WWP2: variants seen among roughly 807,000 people sequenced by gnomAD.
WWP2 encodes the protein NEDD4-like E3 ubiquitin-protein ligase WWP2.
WWP2 carries 57 observed loss-of-function variants against 121.0 expected under a neutral mutation model. The observed-to-expected ratio is 0.47, with a 90% CI of 0.38 to 0.59. The LOEUF is 0.59. Ranked by LOEUF, WWP2 falls within the 20% of genes least tolerant of loss-of-function variation. The pLI, the probability that WWP2 is intolerant of heterozygous loss-of-function variation, is 0.00. For missense variants in WWP2, 962 were observed against 1,158.9 expected (o/e 0.83, Z 2.47); for synonymous variants, 449 against 441.3 (o/e 1.02, Z -0.22).
intron 4 of WWP2, among the ~76,000 whole-genome samples, chr16:69,831,926 A>T (rs1226801031): frequency 6.9e-6 from 1 of 144,260 alleles, no homozygotes; most frequent in Non-Finnish European, 1.5e-5. Flanking sequence ...CCTCCTGGGC[A>T]CAAGCGATTA....
At chr16:69,905,458 G>A (rs1053602470) in intron 8 of WWP2, among the ~76,000 whole-genome samples, 26 of 152,176 alleles carry the variant, frequency 1.7e-4, no homozygotes, top group African/African-American at 6.3e-4. Context: ...TTCCTGTTCT[G>A]AAATGCCCCC....
chr16:69,873,602 A>C (rs1299749593), intron 7 of WWP2, among the ~76,000 whole-genome samples: 2 of 152,208 alleles, frequency 1.3e-5, no homozygotes, highest in Non-Finnish European at 2.9e-5. Flanking sequence ...GGAGACAGCA[A>C]AGTGATGGCC....
intron 11 of WWP2, 95 bp from the exon 12 acceptor site, chr16:69,929,353 C>T: frequency 8.5e-7 from 1 of 1,172,816 alleles, no homozygotes; most frequent in Non-Finnish European, 1.2e-6. Context: ...GGGAGATAAA[C>T]TCAGACCCAG....
At chr16:69,897,791 C>G (rs1282312947) in intron 8 of WWP2, among the ~76,000 whole-genome samples, 2 of 151,814 alleles carry the variant, frequency 1.3e-5, no homozygotes, top group Admixed American at 6.6e-5. Flanking sequence ...GCCTGTAGTC[C>G]CAGCTACTCA....
intron 9 of WWP2, 129 bp from the exon 10 acceptor site, chr16:69,917,579 TA>T: frequency 9.7e-7 from 1 of 1,034,860 alleles, no homozygotes; most frequent in Non-Finnish European, 1.4e-6. Context: ...ATGTCTGCTA[TA>T]ATCAGCTAAG....
At chr16:69,824,834 G>A (rs536612188) in intron 4 of WWP2, among the ~76,000 whole-genome samples, 212 of 117,590 alleles carry the variant, frequency 1.8e-3, no homozygotes, top group African/African-American at 5.7e-3. Flanking sequence ...ACAGTGGTGT[G>A]ATCTTGGCTC....
At chr16:69,858,338 A>C (rs1389331804) in intron 6 of WWP2, among the ~76,000 whole-genome samples, 1 of 152,082 alleles carries the variant, frequency 6.6e-6, no homozygotes, top group Non-Finnish European at 1.5e-5. Context: ...CAGGACCTAG[A>C]ATAGTGCCTC....
chr16:69,874,156 A>G (rs2057693666), intron 7 of WWP2, among the ~76,000 whole-genome samples: 1 of 152,134 alleles, frequency 6.6e-6, no homozygotes, highest in Non-Finnish European at 1.5e-5. Context: ...CTTGATGTCC[A>G]TCTCTCCCCT....
At chr16:69,934,235 G>T in intron 17 of WWP2, 106 bp downstream of exon 17, 1 of 1,424,812 alleles carries the variant, frequency 7.0e-7, no homozygotes, top group Non-Finnish European at 9.6e-7. Flanking sequence ...CTTTCTCTGA[G>T]ACCTCCAGGA....
intron 4 of WWP2, among the ~76,000 whole-genome samples, chr16:69,805,225 G>A (rs1303679597): frequency 4.0e-5 from 6 of 151,892 alleles, no homozygotes; most frequent in Non-Finnish European, 7.4e-5. Context: ...TGGTAGAGAC[G>A]GGGTTTCATC....
chr16:69,939,534 G>A, intron 23 of WWP2, 121 bp downstream of exon 23: 2 of 1,017,980 alleles, frequency 2.0e-6, no homozygotes, highest in South Asian at 1.5e-5. Context: ...TGGCCCTGGG[G>A]TGTTGGGTTG....
At chr16:69,788,914 C>T (rs545578460) in intron 2 of WWP2, among the ~76,000 whole-genome samples, 3 of 152,248 alleles carry the variant, frequency 2.0e-5, no homozygotes, top group East Asian at 1.9e-4. Context: ...GAGAGTGGCT[C>T]TCAGTATCTG....
intron 6 of WWP2, among the ~76,000 whole-genome samples, chr16:69,866,270 T>TTTTATTTA (rs56801798): frequency 5.1e-4 from 75 of 147,972 alleles, no homozygotes; most frequent in Non-Finnish European, 8.2e-4. Context: ...AGGTTTCACA[T>TTTTATTTA]TTTATTTATT....
At chr16:69,912,955 A>AATAT (rs1567427338) in intron 9 of WWP2, among the ~76,000 whole-genome samples, 34 of 8,284 alleles carry the variant, frequency 4.1e-3, no homozygotes, top group Non-Finnish European at 5.1e-3. Context: ...AAAAAAAAAA[A>AATAT]ATATATATAT....
At chr16:69,871,694 C>A in intron 6 of WWP2, 110 bp from the exon 7 acceptor site, 1 of 1,505,186 alleles carries the variant, frequency 6.6e-7, no homozygotes, top group Non-Finnish European at 9.0e-7. Flanking sequence ...TATTAAAGGT[C>A]TTGTTTCCAA....
intron 8 of WWP2, among the ~76,000 whole-genome samples, chr16:69,903,198 G>A (rs562153097): frequency 1.6e-4 from 24 of 152,162 alleles, no homozygotes; most frequent in Non-Finnish European, 3.1e-4. Context: ...GGAAGGGTGG[G>A]CCTTATCTGG....
At chr16:69,939,529 C>G (rs1053221957) in intron 23 of WWP2, 116 bp downstream of exon 23, 1 of 1,095,254 alleles carries the variant, frequency 9.1e-7, no homozygotes, top group South Asian at 1.5e-5. Context: ...TTGCGTGGCC[C>G]TGGGGTGTTG....
At chr16:69,774,498 C>T (rs114334120) in intron 1 of WWP2, among the ~76,000 whole-genome samples, 6,797 of 152,224 alleles carry the variant, frequency 0.045, 530 homozygotes, top group African/African-American at 0.16. Context: ...TTCAAGTGAT[C>T]CACCTGACTT....
chr16:69,845,446 G>C (rs530064778), intron 6 of WWP2, among the ~76,000 whole-genome samples: 93 of 152,254 alleles, frequency 6.1e-4, no homozygotes, highest in Non-Finnish European at 1.1e-3. Flanking sequence ...ATGGGCTTCT[G>C]CCTGCTGTCT....
Sources: gnomAD v4.1 joint callset for allele counts (sites outside exome capture counted in the v4.1 genomes callset) on GRCh38, gnomAD v4.1.1 for gene constraint, MANE v1.5 for transcripts, NCBI Gene and HGNC (gene_info 2026-07-23, HGNC 2026-07-21) for gene names.